The following TAFA2 variants were observed in gnomAD, a reference collection of about 807,000 sequenced individuals.
TAFA2 encodes the protein TAFA chemokine like family member 2, also known as chemokine-like protein TAFA-2.
In TAFA2, 7 loss-of-function variants were observed where a neutral mutation model predicts 18.8. That is an observed-to-expected ratio of 0.37 (90% CI 0.21 to 0.70). The LOEUF is 0.70. Ranked by LOEUF, TAFA2 falls within the 30% of genes least tolerant of loss-of-function variation. The pLI, the probability that TAFA2 is intolerant of heterozygous loss-of-function variation, is 0.53. For missense variants in TAFA2, 122 were observed against 158.1 expected, an observed-to-expected ratio of 0.77 and a Z score of 1.23; for synonymous variants, 60 against 54.2, an observed-to-expected ratio of 1.11 and a Z score of -0.47.
At chr12:61,924,241 C>T (rs1459153512) in intron 1 of TAFA2, among the ~76,000 whole-genome samples, 1 of 152,086 alleles carries the variant, frequency 6.6e-6, no homozygotes, top group African/African-American at 2.4e-5. Context: ...ACAGAGAACA[C>T]CACAAAGATA....
upstream of TAFA2, chr12:62,259,415 GGA>G (rs1392949989): frequency 7.2e-5 from 11 of 152,356 alleles, no homozygotes; most frequent in East Asian, 2.1e-3. Flanking sequence ...GCTTTCAGAA[GGA>G]GAGGCAGTGA....
At chr12:61,955,665 A>ATATATATATT (rs1200280189) in intron 1 of TAFA2, among the ~76,000 whole-genome samples, 14 of 120,438 alleles carry the variant, frequency 1.2e-4, no homozygotes, top group African/African-American at 4.8e-4. Flanking sequence ...ATATATATAT[A>ATATATATATT]TATATTTAAT....
At chr12:62,255,272 A>G (rs2062932852) in intron 1 of TAFA2, 2 of 152,226 alleles carry the variant, frequency 1.3e-5, no homozygotes, top group South Asian at 2.1e-4. Flanking sequence ...CTGCTTAAAC[A>G]TTTCAATATT....
At chr12:61,844,977 A>G (rs1055312952) in intron 2 of TAFA2, among the ~76,000 whole-genome samples, 1 of 152,166 alleles carries the variant, frequency 6.6e-6, no homozygotes, top group African/African-American at 2.4e-5. Flanking sequence ...TGAGTTCAGG[A>G]CCACCTACAG....
intron 1 of TAFA2, among the ~76,000 whole-genome samples, chr12:62,049,045 T>C (rs1448150747): frequency 6.6e-6 from 1 of 152,112 alleles, no homozygotes; most frequent in Non-Finnish European, 1.5e-5. Context: ...AATGTCCTCT[T>C]AAGGAGGAGA....
At chr12:61,940,214 A>G (rs916777896) in intron 1 of TAFA2, among the ~76,000 whole-genome samples, 2 of 152,226 alleles carry the variant, frequency 1.3e-5, no homozygotes, top group African/African-American at 2.4e-5. Flanking sequence ...AATGTGTGCA[A>G]TTGCATAAGG....
At chr12:61,860,493 T>A (rs1395187393) in intron 2 of TAFA2, among the ~76,000 whole-genome samples, 1 of 152,222 alleles carries the variant, frequency 6.6e-6, no homozygotes, top group African/African-American at 2.4e-5. Flanking sequence ...CTAGGCTAAA[T>A]TGGATCAAAC....
chr12:62,105,817 G>A (rs571257112), intron 1 of TAFA2, among the ~76,000 whole-genome samples: 2 of 152,300 alleles, frequency 1.3e-5, no homozygotes, highest in South Asian at 4.1e-4. Context: ...CCAGAAGTCA[G>A]AAGGGGATAA....
intron 1 of TAFA2, among the ~76,000 whole-genome samples, chr12:61,938,114 C>G (rs774153950): frequency 6.6e-6 from 1 of 151,432 alleles, no homozygotes; most frequent in Non-Finnish European, 1.5e-5. Context: ...ACCACCTTAC[C>G]CTGTATGAAT....
chr12:61,763,060 A>G (rs1592372926), intron 2 of TAFA2, among the ~76,000 whole-genome samples: 1 of 152,194 alleles, frequency 6.6e-6, no homozygotes, highest in Non-Finnish European at 1.5e-5. Context: ...AATTCATTAG[A>G]ATGGGAAAAT....
At chr12:61,904,483 G>C (rs1876253973) in intron 1 of TAFA2, among the ~76,000 whole-genome samples, 1 of 152,160 alleles carries the variant, frequency 6.6e-6, no homozygotes, top group Non-Finnish European at 1.5e-5. Context: ...CCCAGGTGCT[G>C]TGGTAGGTGC....
At chr12:61,740,473 A>T (rs1407041871) in intron 4 of TAFA2, among the ~76,000 whole-genome samples, 1 of 150,798 alleles carries the variant, frequency 6.6e-6, no homozygotes. Flanking sequence ...CCACAACTTA[A>T]AGTCTAAAAA....
At chr12:61,935,786 A>C (rs1371092953) in intron 1 of TAFA2, among the ~76,000 whole-genome samples, 1 of 152,142 alleles carries the variant, frequency 6.6e-6, no homozygotes, top group East Asian at 1.9e-4. Flanking sequence ...ACAAGCCCCC[A>C]AGATTGAACT....
intron 1 of TAFA2, among the ~76,000 whole-genome samples, chr12:62,186,954 C>T (rs1334802796): frequency 1.3e-5 from 2 of 152,124 alleles, no homozygotes; most frequent in Non-Finnish European, 2.9e-5. Context: ...CCAACATATC[C>T]ATGTGGTATA....
At chr12:62,053,531 C>CTAT (rs1411438377) in intron 1 of TAFA2, among the ~76,000 whole-genome samples, 1 of 152,080 alleles carries the variant, frequency 6.6e-6, no homozygotes. Context: ...GTAACTTAAG[C>CTAT]TATTTAATGT....
chr12:61,866,788 A>G (rs1486991433), intron 2 of TAFA2, among the ~76,000 whole-genome samples: 2 of 152,216 alleles, frequency 1.3e-5, no homozygotes, highest in African/African-American at 4.8e-5. Context: ...GAAAATTTAC[A>G]TATAGACATA....
chr12:62,160,437 T>C (rs1157096137), intron 1 of TAFA2, among the ~76,000 whole-genome samples: 1 of 152,242 alleles, frequency 6.6e-6, no homozygotes, highest in Non-Finnish European at 1.5e-5. Context: ...CCTTGGCCAG[T>C]TGCATTGCAA....
chr12:62,054,106 C>G (rs1882125628), intron 1 of TAFA2, among the ~76,000 whole-genome samples: 4 of 152,150 alleles, frequency 2.6e-5, no homozygotes, highest in Admixed American at 1.3e-4. Context: ...TGTGTACTTC[C>G]AGTGACTAAC....
intron 1 of TAFA2, among the ~76,000 whole-genome samples, chr12:62,001,771 T>C (rs956906640): frequency 3.2e-4 from 49 of 152,088 alleles, no homozygotes; most frequent in African/African-American, 8.9e-4. Context: ...ACCCCTAATA[T>C]ATAATGATTC....
Sources: gnomAD v4.1 joint callset for allele counts (sites outside exome capture counted in the v4.1 genomes callset) on GRCh38, gnomAD v4.1.1 for gene constraint, MANE v1.5 for transcripts, NCBI Gene and HGNC (gene_info 2026-07-23, HGNC 2026-07-21) for gene names.